XKR6: variants seen among roughly 807,000 people sequenced by gnomAD.
XKR6 encodes the protein XK-related protein 6.
Under a neutral mutation model 56.7 loss-of-function variants are expected in XKR6, and 22 were observed. That is an observed-to-expected ratio of 0.39 (90% CI 0.28 to 0.55). The LOEUF is 0.55. XKR6 is among the 20% of genes least tolerant of loss of function. The probability of loss-of-function intolerance (pLI) is 0.66; values close to 1 mark genes in which losing one functional copy is unlikely to be tolerated. For synonymous variants in XKR6, 524 were observed against 387.8 expected, an observed-to-expected ratio of 1.35 and a Z score of -4.13; for missense variants, 852 against 889.0, an observed-to-expected ratio of 0.96 and a Z score of 0.53.
At chr8:10,953,803 A>G (rs536076745) in intron 1 of XKR6, among the ~76,000 whole-genome samples, 105 of 152,302 alleles carry the variant, frequency 6.9e-4, no homozygotes, top group African/African-American at 2.2e-3. Flanking sequence ...TGGACTCACA[A>G]GCAGCTGCTA....
chr8:11,162,656 A>T (rs555378320), intron 1 of XKR6, among the ~76,000 whole-genome samples: 1 of 152,350 alleles, frequency 6.6e-6, no homozygotes, highest in African/African-American at 2.4e-5. Flanking sequence ...TTGATTATTT[A>T]AAACAGTCCA....
chr8:11,071,195 G>C (rs548847208), intron 1 of XKR6, among the ~76,000 whole-genome samples: 1 of 152,274 alleles, frequency 6.6e-6, no homozygotes, highest in East Asian at 1.9e-4. Context: ...GCTTCCTCAC[G>C]GGTGTGTGGT....
At chr8:11,032,913 GT>G (rs1292964071) in intron 1 of XKR6, among the ~76,000 whole-genome samples, 1 of 152,188 alleles carries the variant, frequency 6.6e-6, no homozygotes, top group African/African-American at 2.4e-5. Context: ...GATAGTGATT[GT>G]GACCATGAAG....
chr8:10,906,642 A>T (rs924285709), intron 2 of XKR6, among the ~76,000 whole-genome samples: 1 of 152,218 alleles, frequency 6.6e-6, no homozygotes. Context: ...ACTCATTTTC[A>T]TTACATTTCT....
chr8:11,002,097 C>T (rs764892625), intron 1 of XKR6, among the ~76,000 whole-genome samples: 8 of 151,794 alleles, frequency 5.3e-5, no homozygotes, highest in Non-Finnish European at 7.4e-5. Context: ...AAAAAACCTC[C>T]TTCCAGGTCC....
chr8:11,155,198 T>G (rs570920462), intron 1 of XKR6, among the ~76,000 whole-genome samples: 176 of 152,358 alleles, frequency 1.2e-3, no homozygotes, highest in Non-Finnish European at 2.0e-3. Context: ...GCTTGGCCAC[T>G]GTTACCAAAG....
At chr8:11,197,492 G>C (rs1803954160) in intron 1 of XKR6, among the ~76,000 whole-genome samples, 1 of 152,204 alleles carries the variant, frequency 6.6e-6, no homozygotes, top group Non-Finnish European at 1.5e-5. Flanking sequence ...TTGTACAAAA[G>C]TGAAGCCCAA....
At chr8:11,052,427 A>C (rs542506942) in intron 1 of XKR6, among the ~76,000 whole-genome samples, 2 of 152,344 alleles carry the variant, frequency 1.3e-5, no homozygotes, top group South Asian at 2.1e-4. Flanking sequence ...ACTCGAAGAT[A>C]GGAAATTTGT....
chr8:11,123,975 C>A (rs1424355657), intron 1 of XKR6: 1 of 456,068 alleles, frequency 2.2e-6, no homozygotes, highest in Non-Finnish European at 4.4e-6. Flanking sequence ...TGCTCAGAGG[C>A]ACTGCCGTGA....
chr8:11,001,163 C>T (rs2129143018), intron 1 of XKR6, among the ~76,000 whole-genome samples: 1 of 152,318 alleles, frequency 6.6e-6, no homozygotes, highest in Non-Finnish European at 1.5e-5. Flanking sequence ...AGGTGCCATA[C>T]ACAAATTTTC....
At chr8:10,917,072 CT>C (rs35887024) in intron 2 of XKR6, among the ~76,000 whole-genome samples, 66,136 of 143,506 alleles carry the variant, frequency 0.46, 15,314 homozygotes, top group African/African-American at 0.54. Context: ...AGCAAAGATG[CT>C]TTTTTTTTTT....
intron 1 of XKR6, among the ~76,000 whole-genome samples, chr8:11,166,724 C>G (rs969168279): frequency 6.6e-6 from 1 of 152,024 alleles, no homozygotes; most frequent in Non-Finnish European, 1.5e-5. Context: ...AAGTGCCCAC[C>G]ACCACACCAA....
At chr8:11,041,905 C>T (rs769093705) in intron 1 of XKR6, among the ~76,000 whole-genome samples, 1 of 152,190 alleles carries the variant, frequency 6.6e-6, no homozygotes, top group Non-Finnish European at 1.5e-5. Flanking sequence ...AAACACAACA[C>T]ACACAAATGC....
intron 2 of XKR6, among the ~76,000 whole-genome samples, chr8:10,899,204 C>T (rs1468082286): frequency 1.3e-5 from 2 of 152,246 alleles, no homozygotes; most frequent in Non-Finnish European, 2.9e-5. Context: ...GGTGGGGCCA[C>T]GTCTGCCATG....
chr8:11,181,476 C>G (rs1202993370), intron 1 of XKR6, among the ~76,000 whole-genome samples: 1 of 152,174 alleles, frequency 6.6e-6, no homozygotes, highest in African/African-American at 2.4e-5. Flanking sequence ...TCTTCTGGTT[C>G]CACTCAACAA....
intron 1 of XKR6, among the ~76,000 whole-genome samples, chr8:10,928,984 C>A (rs1800981502): frequency 6.6e-6 from 1 of 152,222 alleles, no homozygotes. Flanking sequence ...CCTCATGGAG[C>A]ACAGTCTCAA....
At chr8:11,053,293 G>C (rs1268585113) in intron 1 of XKR6, among the ~76,000 whole-genome samples, 1 of 152,196 alleles carries the variant, frequency 6.6e-6, no homozygotes, top group East Asian at 1.9e-4. Context: ...AGTCTCTAAA[G>C]TCTCTGCATT....
chr8:11,200,458 C>T lies in XKR6; in HGVS notation c.764+118G>A, dbSNP rs1804147421. 3.2e-6 allele frequency: 4 copies of T among 1,252,960 alleles called. No homozygotes were observed. The highest frequency in any genetic ancestry group is 4.1e-6 in the Non-Finnish European group (4 of 979,166). The allele number at this position is 1,252,960 out of a possible 1,614,324, so 77.6% of individuals were successfully genotyped here. ...GGAGACGCCAGGGGCGGCGCGCGGCCGGTCCCTCCTTCGAGCCCCCCGCGC... is the reference window on the plus strand; with the variant it reads ...GGAGACGCCAGGGGCGGCGCGCGGCTGGTCCCTCCTTCGAGCCCCCCGCGC... On this transcript the variant is annotated intron_variant, in intron 1 of 2. Transcript: ENST00000416569. This position sits in a 1 kb window ranked among gnomAD's most constrained non-coding sequence, Gnocchi z 6.4.
At chr8:11,034,613 T>A (rs1337810636) in intron 1 of XKR6, among the ~76,000 whole-genome samples, 1 of 152,154 alleles carries the variant, frequency 6.6e-6, no homozygotes, top group Admixed American at 6.5e-5. Flanking sequence ...TGACAGCAGC[T>A]TAAAACTAGA....
Sources: allele counts gnomAD v4.1 joint callset (sites outside exome capture counted in the v4.1 genomes callset), GRCh38; gene constraint gnomAD v4.1.1; non-coding constraint Gnocchi (gnomAD v3.1); transcripts MANE v1.5; gene names NCBI Gene and HGNC (gene_info 2026-07-23, HGNC 2026-07-21).